DNER: variants seen among roughly 807,000 people sequenced by gnomAD.
DNER encodes the protein delta and Notch-like epidermal growth factor-related receptor.
Under a neutral mutation model 78.2 loss-of-function variants are expected in DNER, and 33 were observed. That is an observed-to-expected ratio of 0.42 (90% CI 0.32 to 0.56). The LOEUF (loss-of-function observed/expected upper bound fraction) is 0.56. Ranked by LOEUF, DNER falls within the 20% of genes least tolerant of loss-of-function variation. DNER has a pLI of 0.11. For synonymous variants in DNER, 417 were observed against 384.8 expected (o/e 1.08, Z -0.98); for missense variants, 918 against 975.3 (o/e 0.94, Z 0.78).
chr2:229,478,532 A>G (rs2154211367), intron 6 of DNER, among the ~76,000 whole-genome samples: 1 of 152,356 alleles, frequency 6.6e-6, no homozygotes, highest in Non-Finnish European at 1.5e-5. Flanking sequence ...CATGAACTAA[A>G]AATCCAAACA....
chr2:229,596,013 T>A (rs1253301808), intron 1 of DNER, among the ~76,000 whole-genome samples: 5 of 152,198 alleles, frequency 3.3e-5, no homozygotes, highest in Non-Finnish European at 1.5e-5. Flanking sequence ...ATCCATCATC[T>A]TCTCACACAA....
At chr2:229,512,717 A>T in intron 6 of DNER, 66 bp downstream of exon 6, 2 of 1,563,576 alleles carry the variant, frequency 1.3e-6, no homozygotes, top group Non-Finnish European at 1.7e-6. Flanking sequence ...CTTTGTAAAT[A>T]AAAAACAAGA....
At chr2:229,561,788 C>A (rs1409809975) in intron 4 of DNER, among the ~76,000 whole-genome samples, 1 of 152,124 alleles carries the variant, frequency 6.6e-6, no homozygotes, top group African/African-American at 2.4e-5. Flanking sequence ...CTGCTAATTG[C>A]CCACTGATAT....
At chr2:229,511,792 C>T (rs1379440800) in intron 6 of DNER, among the ~76,000 whole-genome samples, 1 of 152,076 alleles carries the variant, frequency 6.6e-6, no homozygotes, top group African/African-American at 2.4e-5. Flanking sequence ...TTTCCCTGAA[C>T]AAAAATGGGG....
At chr2:229,391,601 G>A (rs1263844899) in intron 10 of DNER, among the ~76,000 whole-genome samples, 1 of 152,042 alleles carries the variant, frequency 6.6e-6, no homozygotes, top group Non-Finnish European at 1.5e-5. Context: ...GAGTGCAGTG[G>A]CACAATCTCG....
rs146402469 is a variant in DNER, at chr2:229,401,432, T to C, written c.1723+5800A>G. Among the ~76,000 whole-genome samples the C allele has an allele frequency of 1.0e-3, 153 of 152,186 alleles. No individual in the cohort carries two copies. In the Middle Eastern group the frequency reaches 0.014, roughly 14 times the overall value. On this transcript the variant is annotated intron_variant, in intron 10 of 12. Coordinates refer to ENST00000341772, the MANE Select transcript of DNER (RefSeq NM_139072.4). ...AAAACTGAAAACAATCCAGATTCCTTTCAACAGGGGACTGGTTAAACAAAC... is the reference window on the plus strand; with the variant it reads ...AAAACTGAAAACAATCCAGATTCCTCTCAACAGGGGACTGGTTAAACAAAC...
intron 8 of DNER, among the ~76,000 whole-genome samples, chr2:229,431,594 A>C (rs1387534076): frequency 2.7e-5 from 4 of 146,678 alleles, no homozygotes; most frequent in Non-Finnish European, 6.0e-5. Context: ...GGAAAAAAAA[A>C]AAGTTACTCA....
intron 10 of DNER, among the ~76,000 whole-genome samples, chr2:229,401,055 CAAAT>C (rs1405613899): frequency 6.6e-6 from 1 of 151,970 alleles, no homozygotes; most frequent in Admixed American, 6.6e-5. Flanking sequence ...ATGCAGATAT[CAAAT>C]AAGCACAGGA....
chr2:229,484,268 A>C (rs1029700558), intron 6 of DNER, among the ~76,000 whole-genome samples: 2 of 152,228 alleles, frequency 1.3e-5, no homozygotes, highest in Admixed American at 6.5e-5. Flanking sequence ...ATAAATGCAG[A>C]GCTACTGAAG....
chr2:229,649,026 G>A (rs371225770), intron 1 of DNER, among the ~76,000 whole-genome samples: 4 of 152,294 alleles, frequency 2.6e-5, no homozygotes, highest in African/African-American at 7.2e-5. Flanking sequence ...AGCATATGCT[G>A]TCCTGAAGTC....
In DNER at chr2:229,376,758, A is replaced by G. The variant is rs111781267; in HGVS notation, c.1856-9639T>C. ...AACTTATCTATTGACTGATGCATCT[A>G]GAAGAATATGCAATAAATGTCTAAC... On this transcript the variant is annotated intron_variant, in intron 11 of 12. Coordinates refer to ENST00000341772, the MANE Select transcript of DNER (RefSeq NM_139072.4). Among the ~76,000 whole-genome samples, 630 of 152,336 alleles carry G rather than the reference A, an allele frequency of 4.1e-3. 7 individuals carry two copies. The highest frequency in any genetic ancestry group is 0.014 in the African/African-American group (580 of 41,578).
intron 1 of DNER, among the ~76,000 whole-genome samples, chr2:229,648,971 C>T (rs1698766230): frequency 6.6e-6 from 1 of 152,214 alleles, no homozygotes; most frequent in Admixed American, 6.5e-5. Context: ...CGAGTGATAA[C>T]GTGCCTCAGC....
chr2:229,383,377 G>A (rs977751133), intron 11 of DNER, among the ~76,000 whole-genome samples: 2 of 152,126 alleles, frequency 1.3e-5, no homozygotes, highest in Admixed American at 6.5e-5. Context: ...TAACCAGCTA[G>A]CATCATAATG....
At chr2:229,421,316 A>T (rs912905879) in intron 8 of DNER, among the ~76,000 whole-genome samples, 5 of 152,176 alleles carry the variant, frequency 3.3e-5, no homozygotes, top group African/African-American at 1.2e-4. Flanking sequence ...GCAAGATGTT[A>T]TGCAAGATGA....
intron 1 of DNER, among the ~76,000 whole-genome samples, chr2:229,594,462 C>T (rs1697667456): frequency 1.3e-5 from 2 of 152,126 alleles, no homozygotes; most frequent in Admixed American, 1.3e-4. Context: ...TGGTGGGCAC[C>T]TGTAATCCCA....
intron 10 of DNER, 129 bp from the exon 11 acceptor site, chr2:229,388,525 T>C: frequency 2.4e-5 from 27 of 1,131,612 alleles, no homozygotes; most frequent in Non-Finnish European, 3.1e-5. Flanking sequence ...CTGCTGTTTG[T>C]ATAAAGTGCA....
intron 5 of DNER, among the ~76,000 whole-genome samples, chr2:229,523,249 C>A (rs1230385253): frequency 1.3e-5 from 2 of 152,242 alleles, no homozygotes; most frequent in Non-Finnish European, 2.9e-5. Context: ...AGAATGCTAA[C>A]AACCCCATCG....
intron 7 of DNER, among the ~76,000 whole-genome samples, chr2:229,476,873 G>C (rs1305916519): frequency 8.6e-5 from 11 of 127,626 alleles, no homozygotes; most frequent in Non-Finnish European, 5.5e-5. Flanking sequence ...GTCACCATTA[G>C]AGATTCTATT....
intron 6 of DNER, among the ~76,000 whole-genome samples, chr2:229,493,169 C>A (rs540000361): frequency 2.0e-5 from 3 of 152,154 alleles, no homozygotes; most frequent in African/African-American, 7.2e-5. Flanking sequence ...AGGGAACACG[C>A]GCAACAACAT....
Sources: gnomAD v4.1 joint callset for allele counts (sites outside exome capture counted in the v4.1 genomes callset) on GRCh38, gnomAD v4.1.1 for gene constraint, MANE v1.5 for transcripts, NCBI Gene and HGNC (gene_info 2026-07-23, HGNC 2026-07-21) for gene names.